HOOK3: variants seen among roughly 807,000 people sequenced by gnomAD.
The protein encoded by HOOK3 is hook microtubule tethering protein 3.
Under a neutral mutation model 116.3 loss-of-function variants are expected in HOOK3, and 24 were observed. The ratio of observed to expected loss-of-function variants is 0.21; its 90% CI spans 0.15 to 0.29. The LOEUF (loss-of-function observed/expected upper bound fraction) is 0.29. HOOK3 is among the 10% of genes least tolerant of loss of function. The pLI, the probability that HOOK3 is intolerant of heterozygous loss-of-function variation, is 1.00. For missense variants in HOOK3, 632 were observed against 830.2 expected (o/e 0.76, Z 2.93); for synonymous variants, 275 against 283.0 (o/e 0.97, Z 0.28).
At chr8:42,983,990 T>G (rs1252266196) in intron 14 of HOOK3, among the ~76,000 whole-genome samples, 10 of 152,188 alleles carry the variant, frequency 6.6e-5, no homozygotes, top group Admixed American at 6.5e-4. Flanking sequence ...AAGGGTTTCA[T>G]ACACTGTAAA....
rs1807090912 is a variant in HOOK3, at chr8:42,898,220, T to A, written c.57+1032T>A. Among the ~76,000 whole-genome samples the A allele has an allele frequency of 2.0e-5, 3 of 152,310 alleles. No homozygotes were observed. The South Asian group carries it at 6.2e-4, about 32-fold the overall frequency. ...GCCTTACGTTGGTTGTTAAAAAAAT[T>A]AATAAAAATAGTCTGAGGTTTTTAT... On this transcript the variant is annotated intron_variant, in intron 1 of 21. Coordinates refer to ENST00000307602, the MANE Select transcript of HOOK3 (RefSeq NM_032410.4).
chr8:42,960,020 T>C (rs995898127), intron 8 of HOOK3, among the ~76,000 whole-genome samples: 2 of 152,202 alleles, frequency 1.3e-5, no homozygotes, highest in African/African-American at 4.8e-5. Context: ...TGTTGGGTTA[T>C]CTAGGAAATA....
Position 43,027,248 on chromosome 8 carries a change from G to A in HOOK3, c.*8750G>A, listed in dbSNP as rs565163488. The A allele has an allele frequency of 4.2e-4, 107 of 252,952 alleles. No individual in the cohort carries two copies. The highest frequency in any genetic ancestry group is 4.2e-3 in the Middle Eastern group (3 of 716). 15.7% of individuals were successfully genotyped at this position (252,952 alleles called of 1,614,324 possible). ...TAGCAAAGTTTTCAACTTGTCTACC[G>A]AGAGACTTTCTTTAGGAGCCAGGAC... is the stretch of plus-strand genomic sequence containing the variant. On this transcript the variant is annotated 3_prime_UTR_variant, in exon 22 of 22. Transcript: ENST00000307602.
intron 2 of HOOK3, among the ~76,000 whole-genome samples, chr8:42,914,237 A>G (rs936056454): frequency 6.6e-6 from 1 of 152,112 alleles, no homozygotes; most frequent in African/African-American, 2.4e-5. Context: ...TCATTTCCCA[A>G]CAATTTGGGT....
At chr8:42,964,600 G>A (rs1035908698) in intron 9 of HOOK3, 126 bp downstream of exon 9, 1 of 764,480 alleles carries the variant, frequency 1.3e-6, no homozygotes, top group African/African-American at 1.7e-5. Flanking sequence ...GCTGAGGCGG[G>A]CTGATCACTT....
intron 5 of HOOK3, among the ~76,000 whole-genome samples, chr8:42,948,007 T>C (rs1304116130): frequency 6.6e-6 from 1 of 152,178 alleles, no homozygotes; most frequent in Non-Finnish European, 1.5e-5. Context: ...ACTTCTCAAA[T>C]TGGGGCAAAT....
chr8:42,921,587 G>A (rs1454459316), intron 2 of HOOK3, among the ~76,000 whole-genome samples: 1 of 152,158 alleles, frequency 6.6e-6, no homozygotes, highest in Admixed American at 6.5e-5. Context: ...GTTCTCTCCT[G>A]ACCAGCATGG....
chr8:42,899,726 C>T (rs1807145278), intron 1 of HOOK3, among the ~76,000 whole-genome samples: 1 of 152,194 alleles, frequency 6.6e-6, no homozygotes, highest in African/African-American at 2.4e-5. Context: ...TTTGCTCTCA[C>T]ACAGTAAGCT....
At chr8:42,922,834 T>A (rs1283353518) in intron 2 of HOOK3, among the ~76,000 whole-genome samples, 2 of 148,368 alleles carry the variant, frequency 1.3e-5, no homozygotes, top group Non-Finnish European at 3.0e-5. Flanking sequence ...GAGCTGAGAT[T>A]GTGTCACTGC....
Position 42,966,480 on chromosome 8 carries a change from G to T in HOOK3, c.787G>T (p.Ala263Ser). The change falls in exon 10 of 22, where the codon GCA (alanine) becomes TCA (serine). Residue 263 changes from alanine to serine, a missense_variant. Physicochemically the swap from Ala to Ser is moderately conservative, Grantham distance 99. Coordinates refer to ENST00000307602, the MANE Select transcript of HOOK3 (RefSeq NM_032410.4). Reference protein sequence around the residue: ...QLQEETFRLEAAKDDYRIRCE... With the variant: ...QLQEETFRLESAKDDYRIRCE... ...ATTTTATATCGGTTACAGACTAGAA[G>T]CAGCCAAAGATGATTATCGAATACG... 1 of 1,614,086 alleles carries T rather than the reference G, an allele frequency of 6.2e-7. No individual in the cohort carries two copies. Among genetic ancestry groups the T allele is most frequent in the Non-Finnish European group, 8.5e-7 (1 of 1,179,966 alleles).
At chr8:42,948,069 A>G (rs920820290) in intron 5 of HOOK3, among the ~76,000 whole-genome samples, 2 of 152,194 alleles carry the variant, frequency 1.3e-5, no homozygotes, top group African/African-American at 2.4e-5. Flanking sequence ...AGACACACTA[A>G]TAATAATTAT....
chr8:42,916,096 C>G (rs769990870), intron 2 of HOOK3, among the ~76,000 whole-genome samples: 3 of 152,216 alleles, frequency 2.0e-5, no homozygotes, highest in African/African-American at 7.2e-5. Flanking sequence ...GCCTCTCCAT[C>G]AGATGTTCCC....
At chr8:42,987,876 A>G (rs539658402) in intron 15 of HOOK3, among the ~76,000 whole-genome samples, 1 of 151,198 alleles carries the variant, frequency 6.6e-6, no homozygotes, top group African/African-American at 2.4e-5. Flanking sequence ...TACTGCAGTG[A>G]TACTCTGTCA....
chr8:42,994,132 C>T (rs767767294), intron 15 of HOOK3, among the ~76,000 whole-genome samples: 3 of 152,148 alleles, frequency 2.0e-5, no homozygotes, highest in Non-Finnish European at 4.4e-5. Flanking sequence ...TCTCCTGCCT[C>T]AGCCTCCAGA....
chr8:42,968,193 A>G lies in HOOK3; in HGVS notation c.1101A>G (p.Gln367=), dbSNP rs1205569318. The G allele has an allele frequency of 1.2e-6, 2 of 1,613,344 alleles. No homozygotes were observed. The highest frequency in any genetic ancestry group is 1.3e-5 in the African/African-American group (1 of 74,894). ...ELRKANAARS[Q]LETYKRQVVE... is the part of the protein sequence containing the mutation. ...GAAAGGCCAACGCAGCGCGAAGTCA[A>G]CTTGAAACCTACAAGAGACAGGTAA... The change falls in exon 11 of 22, where the codon CAA becomes CAG. Residue 367 remains glutamine (Q), a synonymous_variant. Transcript: ENST00000307602.
intron 11 of HOOK3, among the ~76,000 whole-genome samples, chr8:42,971,825 A>G (rs1808733526): frequency 6.6e-6 from 1 of 151,998 alleles, no homozygotes; most frequent in African/African-American, 2.4e-5. Flanking sequence ...GGATTACAGG[A>G]GTGCACCACC....
chr8:42,956,578 T>A (rs1178238173), intron 6 of HOOK3, among the ~76,000 whole-genome samples: 1 of 152,094 alleles, frequency 6.6e-6, no homozygotes, highest in Non-Finnish European at 1.5e-5. Flanking sequence ...TTGTTTATTT[T>A]AATTTTGTTT....
chr8:43,025,982 A>T lies in HOOK3; in HGVS notation c.*7484A>T, dbSNP rs1228591365. 1 of 210,112 alleles carries T rather than the reference A, an allele frequency of 4.8e-6. No homozygotes were observed. Among genetic ancestry groups the T allele is most frequent in the Non-Finnish European group, 9.7e-6 (1 of 103,592 alleles). The allele number at this position is 210,112 out of a possible 1,614,324, so 13.0% of individuals were successfully genotyped here. A position where few individuals can be genotyped will look rare whatever the true frequency, so the allele number is the denominator to read the frequency against. ...GGACTATCAAATCCGAATTATATCT[A>T]CTTAGAGCTTAGAGGAAGAATTAGG... On this transcript the variant is annotated 3_prime_UTR_variant, in exon 22 of 22. Coordinates refer to ENST00000307602, the MANE Select transcript of HOOK3 (RefSeq NM_032410.4).
chr8:42,958,067 T>G (rs1339215285), intron 7 of HOOK3, among the ~76,000 whole-genome samples: 1 of 152,054 alleles, frequency 6.6e-6, no homozygotes, highest in East Asian at 1.9e-4. Context: ...CTCCTGACCT[T>G]GTGATCCACC....
Sources: allele counts gnomAD v4.1 joint callset (sites outside exome capture counted in the v4.1 genomes callset), GRCh38; gene constraint gnomAD v4.1.1; transcripts MANE v1.5; gene names NCBI Gene and HGNC (gene_info 2026-07-23, HGNC 2026-07-21).